Variants in KCNQ4 observed in about 807,000 individuals in gnomAD.
KCNQ4 encodes potassium voltage-gated channel subfamily Q member 4.
In KCNQ4, 31 loss-of-function variants were observed where a neutral mutation model predicts 72.6. The ratio of observed to expected loss-of-function variants is 0.43; its 90% CI spans 0.32 to 0.58. KCNQ4 has a LOEUF of 0.58. KCNQ4 is among the 20% of genes least tolerant of loss of function. KCNQ4 has a pLI of 0.08. For synonymous variants in KCNQ4, 405 were observed against 403.7 expected (o/e 1.00, Z -0.04); for missense variants, 869 against 962.6 (o/e 0.90, Z 1.29).
At chr1:40,795,449 A>T (rs914731528) in intron 1 of KCNQ4, among the ~76,000 whole-genome samples, 1 of 151,674 alleles carries the variant, frequency 6.6e-6, no homozygotes, top group Non-Finnish European at 1.5e-5. Context: ...TTTTGTAGAG[A>T]GGGGATCTTG....
intron 1 of KCNQ4, among the ~76,000 whole-genome samples, chr1:40,813,807 G>A (rs1648000232): frequency 1.3e-5 from 2 of 152,070 alleles, no homozygotes; most frequent in Non-Finnish European, 2.9e-5. Flanking sequence ...GAGTGCAGTG[G>A]CGCAATCTTG....
At position 40,799,437 on chromosome 1, in the gene KCNQ4, C is replaced by CT. The variant is rs1012270682; in HGVS notation, c.314+15030_314+15031insT. Among the ~76,000 whole-genome samples, 473 of 151,968 alleles carry CT rather than the reference C, an allele frequency of 3.1e-3. 1 individual carries two copies. In the Middle Eastern group the frequency reaches 0.034, roughly 11 times the overall value. On this transcript the variant is annotated intron_variant, in intron 1 of 13. Coordinates refer to ENST00000347132, the MANE Select transcript of KCNQ4 (RefSeq NM_004700.4). ...GAGGCAAATGTGTGGGCCATGCCCC[C>CT]CCCCTCGCTAGGCAGTAAACACTGC...
chr1:40,792,145 G>A (rs531264313), intron 1 of KCNQ4, among the ~76,000 whole-genome samples: 3 of 152,142 alleles, frequency 2.0e-5, no homozygotes, highest in East Asian at 1.9e-4. Flanking sequence ...TGGGAGCCTC[G>A]GGCCTGTCCA....
chr1:40,806,146 T>A (rs1426670243), intron 1 of KCNQ4, among the ~76,000 whole-genome samples: 1 of 152,216 alleles, frequency 6.6e-6, no homozygotes, highest in Non-Finnish European at 1.5e-5. Flanking sequence ...CGGCCTCACA[T>A]GAAATTTTTA....
At chr1:40,819,801 A>T in intron 5 of KCNQ4, 74 bp from the exon 6 acceptor site, 1 of 1,208,818 alleles carries the variant, frequency 8.3e-7, no homozygotes, top group East Asian at 2.3e-5. Flanking sequence ...TCAGGCTCCT[A>T]CCTGCCTGTA....
chr1:40,818,412 T>G, intron 3 of KCNQ4, 93 bp from the exon 4 acceptor site: 2 of 989,240 alleles, frequency 2.0e-6, no homozygotes, highest in Non-Finnish European at 3.0e-6. Context: ...TCCCCCTCCC[T>G]CCCCAGTCCC....
At chr1:40,838,220 C>T (rs1648865144) in intron 13 of KCNQ4, 91 bp from the exon 14 acceptor site, 5 of 1,115,082 alleles carry the variant, frequency 4.5e-6, no homozygotes, top group East Asian at 2.4e-5. Flanking sequence ...CCCACTCCAC[C>T]GGCTAGGGTC....
At chr1:40,837,103 TTTGA>T (rs1648825919) in intron 12 of KCNQ4, among the ~76,000 whole-genome samples, 1 of 149,364 alleles carries the variant, frequency 6.7e-6, no homozygotes, top group African/African-American at 2.5e-5. Context: ...TTTTTTTTTT[TTTGA>T]GACAGTATCT....
Position 40,815,064 on chromosome 1 carries a change from ACCCC to A in KCNQ4, c.315-2200_315-2197del, listed in dbSNP as rs573659027. ...AGACCATCCTGGCCAACATGGTGCAACCCCGTCTCTACTAAAAATACAAAAATTA... is the reference window on the plus strand; with the variant it reads ...AGACCATCCTGGCCAACATGGTGCAAGTCTCTACTAAAAATACAAAAATTA... On this transcript the variant is annotated intron_variant, in intron 1 of 13. Transcript: ENST00000347132. 3.2e-3 allele frequency among the ~76,000 whole-genome samples: 494 copies of A among 152,012 alleles called. 4 individuals are homozygous for A. The highest frequency in any genetic ancestry group is 0.011 in the African/African-American group (474 of 41,454).
intron 1 of KCNQ4, among the ~76,000 whole-genome samples, chr1:40,791,070 C>G (rs1267387428): frequency 6.6e-6 from 1 of 151,958 alleles, no homozygotes; most frequent in Non-Finnish European, 1.5e-5. Context: ...GGAGGGCACT[C>G]CCCCACTCTC....
At chr1:40,811,405 G>A (rs1647926564) in intron 1 of KCNQ4, among the ~76,000 whole-genome samples, 1 of 152,216 alleles carries the variant, frequency 6.6e-6, no homozygotes, top group Non-Finnish European at 1.5e-5. Context: ...TTCTCAAAGT[G>A]TGGTCCCCAT....
intron 12 of KCNQ4, 28 bp from the exon 13 acceptor site, chr1:40,837,637 G>C: frequency 1.2e-6 from 2 of 1,607,012 alleles, no homozygotes; most frequent in South Asian, 2.2e-5. Context: ...CGTGTCCCCG[G>C]GCCCTCTGAT....
chr1:40,790,983 C>T (rs1265524745), intron 1 of KCNQ4, among the ~76,000 whole-genome samples: 3 of 152,144 alleles, frequency 2.0e-5, no homozygotes, highest in African/African-American at 4.8e-5. Context: ...TGGTCCAACC[C>T]TGGCAGCTGG....
At chr1:40,800,129 G>T (rs1223812704) in intron 1 of KCNQ4, among the ~76,000 whole-genome samples, 3 of 152,116 alleles carry the variant, frequency 2.0e-5, no homozygotes, top group Admixed American at 2.0e-4. Context: ...TCTCCCAGGG[G>T]CTGTCAGAGC....
intron 1 of KCNQ4, among the ~76,000 whole-genome samples, chr1:40,802,648 G>A (rs1402129804): frequency 2.0e-5 from 3 of 152,188 alleles, no homozygotes; most frequent in African/African-American, 2.4e-5. Flanking sequence ...GCGGGGGAAG[G>A]GGGCCGAGGG....
chr1:40,830,040 C>G (rs1648590926), intron 9 of KCNQ4, among the ~76,000 whole-genome samples: 1 of 152,170 alleles, frequency 6.6e-6, no homozygotes, highest in African/African-American at 2.4e-5. Flanking sequence ...GAAGGGAAGT[C>G]TGAGTGCATG....
rs1364858093 is a variant in KCNQ4 at position 40,838,946 on chromosome 1, GT to G, written c.*424del. 1.1e-5 allele frequency: 3 copies of G among 270,424 alleles called. No individual in the cohort carries two copies. The highest frequency in any genetic ancestry group is 4.8e-5 in the Admixed American group (1 of 20,942). 16.8% of individuals were successfully genotyped at this position (270,424 alleles called of 1,614,324 possible). A position where few individuals can be genotyped will look rare whatever the true frequency, so the allele number is the denominator to read the frequency against. On this transcript the variant is annotated 3_prime_UTR_variant, in exon 14 of 14. Transcript: ENST00000347132. ...CACAGCAGGGAAGCCCTCCCGCCAA[GT>G]CCCCGCCCCACTTGGGGGTGGGCCA...
chr1:40,828,225 G>T (rs1020258124), intron 9 of KCNQ4, among the ~76,000 whole-genome samples: 5 of 152,234 alleles, frequency 3.3e-5, no homozygotes, highest in Non-Finnish European at 7.3e-5. Flanking sequence ...CAGCAGGGCA[G>T]CCTGGGCAGA....
Position 40,818,406 on chromosome 1 carries a change from C to G in KCNQ4, c.533-99C>G, listed in dbSNP as rs552629977. ...CCGCACAGATTCAGCGGACCCTCCC[C>G]CTCCCTCCCCAGTCCCCTGCCACAT... is the stretch of plus-strand genomic sequence containing the variant. On this transcript the variant is annotated intron_variant, in intron 3 of 13. Transcript: ENST00000347132. The G allele has an allele frequency of 5.7e-5, 89 of 1,550,022 alleles. No homozygotes were observed. In the Middle Eastern group the frequency reaches 6.4e-4, roughly 11 times the overall value.
Sources: gnomAD v4.1 joint callset for allele counts (sites outside exome capture counted in the v4.1 genomes callset) on GRCh38, gnomAD v4.1.1 for gene constraint, MANE v1.5 for transcripts, NCBI Gene and HGNC (gene_info 2026-07-23, HGNC 2026-07-21) for gene names.